CFAP46: variants seen among roughly 807,000 people sequenced by gnomAD.
CFAP46 encodes cilia and flagella associated protein 46.
In CFAP46, 245 loss-of-function variants were observed where a neutral mutation model predicts 325.7. That is an observed-to-expected ratio of 0.75 (90% CI 0.68 to 0.84). The LOEUF is 0.84. Ranked by LOEUF, CFAP46 falls within the 40% of genes least tolerant of loss-of-function variation. The pLI, the probability that CFAP46 is intolerant of heterozygous loss-of-function variation, is 0.00. For synonymous variants in CFAP46, 1,523 were observed against 1,495.9 expected, an observed-to-expected ratio of 1.02 and a Z score of -0.42; for missense variants, 3,346 against 3,543.0, an observed-to-expected ratio of 0.94 and a Z score of 1.41.
intron 50 of CFAP46, among the ~76,000 whole-genome samples, chr10:132,818,390 A>G (rs559591919): frequency 1.3e-5 from 2 of 152,128 alleles, no homozygotes; most frequent in Non-Finnish European, 2.9e-5. Context: ...TATTTTCATG[A>G]TCATGAGGTG....
intron 25 of CFAP46, among the ~76,000 whole-genome samples, chr10:132,891,358 A>T (rs745965430): frequency 5.9e-5 from 9 of 152,286 alleles, no homozygotes; most frequent in Admixed American, 4.6e-4. Context: ...AGGCCTCATC[A>T]TCCCCTCTCC....
chr10:132,936,632 C>T (rs796882815), intron 7 of CFAP46, among the ~76,000 whole-genome samples: 4 of 109,122 alleles, frequency 3.7e-5, no homozygotes, highest in Non-Finnish European at 6.1e-5. Flanking sequence ...CCAAACACAC[C>T]ATGATCTCCT....
chr10:132,913,381 G>GGGGGGGGGC, intron 17 of CFAP46, 123 bp from the exon 18 acceptor site: 3 of 350,508 alleles, frequency 8.6e-6, no homozygotes, highest in East Asian at 1.6e-4. Flanking sequence ...GGGCGGGTGG[G>GGGGGGGGGC]CGGCGACCAA....
At chr10:132,927,104 C>A (rs1190706917) in intron 9 of CFAP46, among the ~76,000 whole-genome samples, 4 of 152,194 alleles carry the variant, frequency 2.6e-5, no homozygotes, top group African/African-American at 9.6e-5. Flanking sequence ...GCCTCGGTGG[C>A]CTTACAAAAG....
intron 50 of CFAP46, among the ~76,000 whole-genome samples, chr10:132,815,686 C>T (rs903101282): frequency 2.6e-5 from 4 of 152,054 alleles, no homozygotes; most frequent in Non-Finnish European, 4.4e-5. Context: ...TTTGGGAGGC[C>T]GAGGAGGGAG....
At chr10:132,848,804 G>C (rs1251926997) in intron 41 of CFAP46, among the ~76,000 whole-genome samples, 1 of 152,076 alleles carries the variant, frequency 6.6e-6, no homozygotes, top group East Asian at 1.9e-4. Context: ...ACTTCTCCCT[G>C]TGTCCACGCG....
chr10:132,916,817 C>T, intron 16 of CFAP46, 135 bp from the exon 17 acceptor site: 2 of 1,282,948 alleles, frequency 1.6e-6, no homozygotes, highest in Non-Finnish European at 2.0e-6. Context: ...TTTGCTGTGC[C>T]CTTTGCAAGC....
chr10:132,822,377 G>C (rs1258154189), intron 50 of CFAP46, among the ~76,000 whole-genome samples: 5 of 146,702 alleles, frequency 3.4e-5, no homozygotes, highest in Non-Finnish European at 6.0e-5. Context: ...TGTGTGCTGT[G>C]TGTGTGCTGA....
At position 132,885,232 on chromosome 10, in the gene CFAP46, C is replaced by T. The variant is rs190023468; in HGVS notation, c.3498G>A (p.Ser1166=). The T allele has an allele frequency of 6.7e-5, 104 of 1,550,386 alleles. 1 individual carries two copies. The highest frequency in any genetic ancestry group is 6.7e-4 in the Middle Eastern group (4 of 5,970). ...CGGCCTTGAATTTCTGTATTTCCAT[C>T]GAAAAATTCTGCCCGAGCTTGGCCT... The part of the protein sequence containing the change: ...IVKAKLGQNF[S]MEIQKFKAES... The change falls in exon 27 of 58, where the codon TCG becomes TCA. Residue 1166 remains serine, a synonymous_variant. Transcript: ENST00000368586.
chr10:132,861,028 G>T (rs1474381301), intron 35 of CFAP46, 46 bp from the exon 36 acceptor site: 2 of 1,526,516 alleles, frequency 1.3e-6, no homozygotes, highest in Non-Finnish European at 1.8e-6. Context: ...CTACAGATGT[G>T]TGCAGGCAGG....
intron 35 of CFAP46, among the ~76,000 whole-genome samples, chr10:132,864,435 GTGCCTGAGACCTGCACACACCTGTCCCCC>G (rs1848776849): frequency 1.3e-5 from 1 of 75,112 alleles, no homozygotes; most frequent in Non-Finnish European, 2.6e-5. Context: ...CCTGTCCCCA[GTGCCTGAGACCTGCACACACCTGTCCCCC>G]TGCCTGAGAC....
chr10:132,892,494 C>A, intron 24 of CFAP46, 77 bp from the exon 25 acceptor site: 1 of 1,326,880 alleles, frequency 7.5e-7, no homozygotes, highest in Non-Finnish European at 1.1e-6. Flanking sequence ...AGAAACTCCC[C>A]CTCTGAGCTC....
intron 50 of CFAP46, among the ~76,000 whole-genome samples, chr10:132,821,550 TGCTGACGTGTGCTGTGTGTGC>T (rs961326527): frequency 6.6e-5 from 9 of 136,184 alleles, no homozygotes; most frequent in South Asian, 2.5e-4. Flanking sequence ...GTGTGCTGTG[TGCTGACGTGTGCTGTGTGTGC>T]GCTGATGTGT....
chr10:132,907,429 G>A (rs1459670216), intron 22 of CFAP46, among the ~76,000 whole-genome samples: 3 of 152,226 alleles, frequency 2.0e-5, no homozygotes, highest in Admixed American at 1.3e-4. Flanking sequence ...AGAATGTTCT[G>A]TGTCCAGCTA....
intron 50 of CFAP46, among the ~76,000 whole-genome samples, chr10:132,822,772 GTGTGTGCACT>G (rs1266902268): frequency 3.0e-4 from 43 of 142,380 alleles, no homozygotes; most frequent in African/African-American, 1.1e-3. Flanking sequence ...GATGTGTGCT[GTGTGTGCACT>G]TGTGTGTGCT....
At chr10:132,875,038 A>G (rs1033874646) in intron 31 of CFAP46, among the ~76,000 whole-genome samples, 3 of 152,244 alleles carry the variant, frequency 2.0e-5, no homozygotes, top group Non-Finnish European at 4.4e-5. Context: ...ACAAATTACT[A>G]AAGTTATAAA....
Position 132,823,422 on chromosome 10 carries a change from A to C in CFAP46, c.7118-8508T>G, listed in dbSNP as rs376671331. Among the ~76,000 whole-genome samples, 16 of 73,450 alleles carry C rather than the reference A, an allele frequency of 2.2e-4. No individual in the cohort carries two copies. The East Asian group carries it at 7.4e-3, about 34-fold the overall frequency. 48.2% of individuals were successfully genotyped at this position (73,450 alleles called of 152,430 possible). ...CTGTGTGTGTGCTGTGTGCTGTGTG[A>C]GTGCTGATGTGTGCTGTGTGTGCTG... is the stretch of plus-strand genomic sequence containing the variant. On this transcript the variant is annotated intron_variant, in intron 50 of 57. Coordinates refer to ENST00000368586, the MANE Select transcript of CFAP46 (RefSeq NM_001200049.3).
At chr10:132,829,552 G>A (rs1050153077) in intron 50 of CFAP46, among the ~76,000 whole-genome samples, 9 of 152,286 alleles carry the variant, frequency 5.9e-5, no homozygotes, top group African/African-American at 1.4e-4. Context: ...TACTCCGGCC[G>A]GGATCTCCAG....
At chr10:132,844,229 G>A (rs1848398118) in intron 44 of CFAP46, among the ~76,000 whole-genome samples, 1 of 151,960 alleles carries the variant, frequency 6.6e-6, no homozygotes, top group Non-Finnish European at 1.5e-5. Flanking sequence ...GGGTGCTGTG[G>A]GGCTCTCCTA....
Sources: gnomAD v4.1 joint callset for allele counts (sites outside exome capture counted in the v4.1 genomes callset) on GRCh38, gnomAD v4.1.1 for gene constraint, MANE v1.5 for transcripts, NCBI Gene and HGNC (gene_info 2026-07-23, HGNC 2026-07-21) for gene names.